ST8SIA5: variants seen among roughly 807,000 people sequenced by gnomAD.
The protein encoded by ST8SIA5 is ST8 alpha-N-acetyl-neuraminide alpha-2,8-sialyltransferase 5.
A neutral mutation model predicts 40.2 loss-of-function variants in ST8SIA5; 24 were observed. The observed-to-expected ratio is 0.60, with a 90% CI of 0.43 to 0.84. ST8SIA5 has a LOEUF of 0.84. Ranked by LOEUF, ST8SIA5 falls within the 40% of genes least tolerant of loss-of-function variation. ST8SIA5 has a pLI of 0.00. For synonymous variants in ST8SIA5, 198 were observed against 201.8 expected, an observed-to-expected ratio of 0.98 and a Z score of 0.16; for missense variants, 465 against 498.5, an observed-to-expected ratio of 0.93 and a Z score of 0.64.
chr18:46,726,434 T>C (rs1424375954), intron 1 of ST8SIA5, among the ~76,000 whole-genome samples: 1 of 151,954 alleles, frequency 6.6e-6, no homozygotes, highest in Admixed American at 6.6e-5. Context: ...ATCAAGTGCT[T>C]AAATGGAGTG....
At chr18:46,746,829 G>A (rs896970046) in intron 1 of ST8SIA5, among the ~76,000 whole-genome samples, 2 of 150,676 alleles carry the variant, frequency 1.3e-5, no homozygotes, top group Non-Finnish European at 2.9e-5. Flanking sequence ...ATATTACAAG[G>A]CTACAGTAAC....
intron 1 of ST8SIA5, among the ~76,000 whole-genome samples, chr18:46,706,323 T>C (rs2039669698): frequency 6.6e-6 from 1 of 152,290 alleles, no homozygotes; most frequent in South Asian, 2.1e-4. Context: ...CTTTGTGTCT[T>C]ACAGCTCCTT....
At chr18:46,725,291 T>C (rs898943216) in intron 1 of ST8SIA5, among the ~76,000 whole-genome samples, 5 of 152,036 alleles carry the variant, frequency 3.3e-5, no homozygotes, top group African/African-American at 9.7e-5. Flanking sequence ...CACAAACATA[T>C]CAAATCAATG....
chr18:46,678,016 G>T lies in ST8SIA5; in HGVS notation c.*2026C>A, dbSNP rs937499890. On this transcript the variant is annotated 3_prime_UTR_variant, in exon 7 of 7. Coordinates refer to ENST00000315087, the MANE Select transcript of ST8SIA5 (RefSeq NM_013305.6). Reference sequence around the variant, plus strand: ...TCAAGAACTGGGTTCAATTAACCATGCAGTGGCTAGAAATCTCAGGTAACT... The same window carrying T: ...TCAAGAACTGGGTTCAATTAACCATTCAGTGGCTAGAAATCTCAGGTAACT... 2 of 152,232 alleles carry T rather than the reference G, an allele frequency of 1.3e-5. No homozygotes were observed. The highest frequency in any genetic ancestry group is 4.8e-5 in the African/African-American group (2 of 41,452). The allele number at this position is 152,232 out of a possible 1,614,324, so 9.4% of individuals were successfully genotyped here.
chr18:46,678,678 G>T lies in ST8SIA5; in HGVS notation c.*1364C>A. The T allele has an allele frequency of 6.5e-6, 1 of 152,686 alleles. No individual in the cohort carries two copies. 9.5% of individuals were successfully genotyped at this position (152,686 alleles called of 1,614,324 possible). The stretch of plus-strand genomic sequence containing the variant: ...AAGAGGAAGGGAGGGAAGGAGAAAG[G>T]GGAGGAGGCAGGGAGAAAGGAAGGA... On this transcript the variant is annotated 3_prime_UTR_variant, in exon 7 of 7. Coordinates refer to ENST00000315087, the MANE Select transcript of ST8SIA5 (RefSeq NM_013305.6).
At chr18:46,723,419 G>A (rs966770593) in intron 1 of ST8SIA5, among the ~76,000 whole-genome samples, 1 of 152,134 alleles carries the variant, frequency 6.6e-6, no homozygotes, top group Non-Finnish European at 1.5e-5. Context: ...GGGCATGGTG[G>A]CACTTGCCTG....
chr18:46,711,543 C>G (rs945303763), intron 1 of ST8SIA5, among the ~76,000 whole-genome samples: 1 of 152,182 alleles, frequency 6.6e-6, no homozygotes, highest in Non-Finnish European at 1.5e-5. Context: ...CAGTCAGCAG[C>G]CCTTCCCCCT....
At chr18:46,739,096 T>C (rs1417055332) in intron 1 of ST8SIA5, among the ~76,000 whole-genome samples, 3 of 152,184 alleles carry the variant, frequency 2.0e-5, no homozygotes, top group Admixed American at 6.5e-5. Context: ...AGAGACACCA[T>C]GGTGCTGTGA....
At chr18:46,748,722 A>G (rs1341160320) in intron 1 of ST8SIA5, among the ~76,000 whole-genome samples, 1 of 84,322 alleles carries the variant, frequency 1.2e-5, no homozygotes, top group Non-Finnish European at 2.8e-5. Flanking sequence ...TGAGATGGCT[A>G]TAATCCAAAA....
intron 2 of ST8SIA5, among the ~76,000 whole-genome samples, chr18:46,700,699 G>A (rs2039604322): frequency 6.6e-6 from 1 of 152,138 alleles, no homozygotes; most frequent in Non-Finnish European, 1.5e-5. Context: ...GCTCAGCCAG[G>A]GGCCCCAGCT....
chr18:46,736,662 A>C (rs978208788), intron 1 of ST8SIA5, among the ~76,000 whole-genome samples: 2 of 152,158 alleles, frequency 1.3e-5, no homozygotes, highest in Non-Finnish European at 2.9e-5. Flanking sequence ...CTGCTGAGGA[A>C]GAATGGGGAG....
chr18:46,702,476 G>A (rs1238230981), intron 2 of ST8SIA5, among the ~76,000 whole-genome samples: 1 of 152,144 alleles, frequency 6.6e-6, no homozygotes, highest in African/African-American at 2.4e-5. Context: ...CACATGGTCT[G>A]GCCCTACCTG....
At chr18:46,704,906 T>C (rs976076566) in intron 1 of ST8SIA5, among the ~76,000 whole-genome samples, 4 of 152,190 alleles carry the variant, frequency 2.6e-5, no homozygotes, top group African/African-American at 9.6e-5. Flanking sequence ...TACAGAGGCA[T>C]AAACAGATTT....
At chr18:46,740,958 T>C (rs1233390287) in intron 1 of ST8SIA5, among the ~76,000 whole-genome samples, 1 of 152,152 alleles carries the variant, frequency 6.6e-6, no homozygotes, top group Non-Finnish European at 1.5e-5. Flanking sequence ...TTAGAGGAAA[T>C]TTTATAACTT....
intron 1 of ST8SIA5, among the ~76,000 whole-genome samples, chr18:46,744,432 A>G (rs1207792171): frequency 6.6e-6 from 1 of 152,098 alleles, no homozygotes; most frequent in African/African-American, 2.4e-5. Context: ...CTGATAAAAC[A>G]GACTTTAAGC....
chr18:46,688,950 G>A (rs201843253), intron 3 of ST8SIA5, 31 bp from the exon 4 acceptor site: 60 of 1,596,380 alleles, frequency 3.8e-5, no homozygotes, highest in African/African-American at 3.1e-4. Context: ...CAGGAAAGAC[G>A]TGATGCAGGA....
chr18:46,710,437 TTTTC>T (rs1280220163), intron 1 of ST8SIA5, among the ~76,000 whole-genome samples: 3 of 145,906 alleles, frequency 2.1e-5, no homozygotes, highest in Non-Finnish European at 3.1e-5. Flanking sequence ...CTCTCTTTCT[TTTTC>T]TTTTTCTTTC....
intron 1 of ST8SIA5, among the ~76,000 whole-genome samples, chr18:46,737,217 C>T (rs1341099010): frequency 6.6e-6 from 1 of 152,190 alleles, no homozygotes; most frequent in Non-Finnish European, 1.5e-5. Flanking sequence ...TCTCTGAGAC[C>T]CACCAGTTCT....
At position 46,682,053 on chromosome 18, in the gene ST8SIA5, G is replaced by A; in HGVS notation, c.581C>T (p.Pro194Leu). The A allele has an allele frequency of 6.2e-7, 1 of 1,607,988 alleles. No individual in the cohort carries two copies. Residue 194 changes from proline to leucine, a missense_variant, in exon 6 of 7, where the codon CCC (proline) becomes CTC (leucine). Coordinates refer to ENST00000315087, the MANE Select transcript of ST8SIA5 (RefSeq NM_013305.6). ...CATGGTGTACTTCTCTGAGATGGGGGGCAGGTTGCACCTGCAGAAGAGAAA... is the reference window on the plus strand; with the variant it reads ...CATGGTGTACTTCTCTGAGATGGGGAGCAGGTTGCACCTGCAGAAGAGAAA... ...SADFVFRCNLPPISEKYTMDV... is the reference protein window; with the variant it reads ...SADFVFRCNLLPISEKYTMDV...
Sources: allele counts gnomAD v4.1 joint callset (sites outside exome capture counted in the v4.1 genomes callset), GRCh38; gene constraint gnomAD v4.1.1; transcripts MANE v1.5; gene names NCBI Gene and HGNC (gene_info 2026-07-23, HGNC 2026-07-21).